The following MAZ variants were observed in gnomAD, a reference collection of about 807,000 sequenced individuals.
MAZ encodes the protein MYC associated zinc finger protein.
In MAZ, 4 loss-of-function variants were observed where a neutral mutation model predicts 32.7. The ratio of observed to expected loss-of-function variants is 0.12; its 90% CI spans 0.06 to 0.28. MAZ has a LOEUF of 0.28. MAZ is among the 10% of genes least tolerant of loss of function. The probability of loss-of-function intolerance (pLI) is 1.00; values close to 1 mark genes in which losing one functional copy is unlikely to be tolerated. For synonymous variants in MAZ, 510 were observed against 297.6 expected, an observed-to-expected ratio of 1.71 and a Z score of -7.35; for missense variants, 763 against 667.2, an observed-to-expected ratio of 1.14 and a Z score of -1.58.
Position 29,807,781 on chromosome 16 carries a change from T to A in MAZ, c.996T>A (p.Ala332=), listed in dbSNP as rs371096840. Residue 332 remains alanine (A), a synonymous_variant, in exon 2 of 5, where the codon GCT becomes GCA. Transcript: ENST00000322945. ...MSYHVRSHDG[A]VHKPYNCSHC... ...ACCACGTGCGCTCACATGACGGCGC[T>A]GTGCACAAGCCCTACAACTGCTCCC... The A allele has an allele frequency of 6.2e-7, 1 of 1,611,750 alleles. No homozygotes were observed. The highest frequency in any genetic ancestry group is 1.3e-5 in the African/African-American group (1 of 74,936).
At chr16:29,808,853 G>T in intron 4 of MAZ, 112 bp downstream of exon 4, 1 of 1,082,324 alleles carries the variant, frequency 9.2e-7, no homozygotes, top group Non-Finnish European at 1.3e-6. Context: ...GTGGCGTCTA[G>T]ATTCCTACAA....
At chr16:29,809,193 C>T (rs2142404844) in intron 4 of MAZ, 1 of 498,548 alleles carries the variant, frequency 2.0e-6, no homozygotes, top group Non-Finnish European at 3.5e-6. Flanking sequence ...TGGGTTGAGA[C>T]CGCGGGGCAC....
Position 29,807,400 on chromosome 16 carries a change from C to G in MAZ, c.615C>G (p.Leu205=), listed in dbSNP as rs750668378. ...AGGAGTTCAAGAACGGCTACAATCT[C>G]CGGAGGCACGAAGCCATCCACACGG... ...CAKEFKNGYN[L]RRHEAIHTGA... The change falls in exon 2 of 5, where the codon CTC becomes CTG. Residue 205 remains leucine (L), a synonymous_variant. Coordinates refer to ENST00000322945, the MANE Select transcript of MAZ (RefSeq NM_002383.4). 2.5e-6 allele frequency: 4 copies of G among 1,612,286 alleles called. No homozygotes were observed. The South Asian group carries it at 3.3e-5, about 13-fold the overall frequency.
rs773515431 is a variant in MAZ, at chr16:29,807,283, C to T, written c.498C>T (p.Ala166=). Residue 166 remains alanine (A), a synonymous_variant, in exon 2 of 5, where the codon GCC becomes GCT. Transcript: ENST00000322945. ...CGGCGGCGGCCACCGCCGTCGTAGC[C>T]CCAACCTCGACGGTCGCCGTGGCCC... ...IAAAAATAVV[A]PTSTVAVAPV... 31 of 1,542,944 alleles carry T rather than the reference C, an allele frequency of 2.0e-5. No homozygotes were observed. Among genetic ancestry groups the T allele is most frequent in the Non-Finnish European group, 2.4e-5 (28 of 1,148,052 alleles).
At chr16:29,809,407 C>G (rs1010247583) in intron 4 of MAZ, 12 of 662,540 alleles carry the variant, frequency 1.8e-5, no homozygotes, top group Admixed American at 2.7e-5. Flanking sequence ...GCAGTTGGCC[C>G]CAGGCTACCA....
intron 4 of MAZ, chr16:29,808,997 C>G (rs1002140733): frequency 1.8e-6 from 1 of 562,560 alleles, no homozygotes; most frequent in South Asian, 2.4e-5. Context: ...TGGAACTTGG[C>G]TGCTCTGGGG....
rs1899588967 is a variant in MAZ, at chr16:29,807,527, G to C, written c.742G>C (p.Gly248Arg). Residue 248 changes from glycine (G) to arginine (R), a missense_variant, in exon 2 of 5, where the codon GGG becomes CGG. Transcript: ENST00000322945. ...VPQLSGAGGG[G>R]GEAGAGGGAA... is the part of the protein sequence containing the mutation. ...CCAGCTGAGCGGAGCCGGCGGGGGAGGGGGAGAGGCGGGTGCCGGCGGCGG... is the reference window on the plus strand; with the variant it reads ...CCAGCTGAGCGGAGCCGGCGGGGGACGGGGAGAGGCGGGTGCCGGCGGCGG... 1 of 1,609,072 alleles carries C rather than the reference G, an allele frequency of 6.2e-7. No homozygotes were observed. Among genetic ancestry groups the C allele is most frequent in the Non-Finnish European group, 8.5e-7 (1 of 1,177,920 alleles).
intron 2 of MAZ, 142 bp from the exon 3 acceptor site, chr16:29,808,088 G>A: frequency 6.1e-6 from 6 of 978,348 alleles, no homozygotes; most frequent in Non-Finnish European, 6.2e-6. Flanking sequence ...GGCTCCAGGG[G>A]AGGGATTTCC....
chr16:29,808,427 C>A (rs537347860), intron 3 of MAZ, 134 bp downstream of exon 3: 3 of 1,026,362 alleles, frequency 2.9e-6, no homozygotes, highest in South Asian at 2.8e-5. Flanking sequence ...ATCCCTTCTT[C>A]AAGGCCTCAT....
In MAZ at chr16:29,810,048, C is replaced by T. The variant is rs764316091; in HGVS notation, c.1280-29C>T. 8.2e-6 allele frequency: 13 copies of T among 1,590,218 alleles called. 1 individual carries two copies. Among genetic ancestry groups the T allele is most frequent in the African/African-American group, 1.4e-5 (1 of 73,930 alleles). ...CAAGGCTCTTGCCATTCAGATCGCG[C>T]TGTGATCCGTGGTGTTTCTCCTGTG... On this transcript the variant is annotated intron_variant, in intron 4 of 4. Coordinates refer to ENST00000322945, the MANE Select transcript of MAZ (RefSeq NM_002383.4).
chr16:29,810,150 C>G lies in MAZ; in HGVS notation c.1353C>G (p.Ala451=), dbSNP rs777594577. 24 of 1,609,318 alleles carry G rather than the reference C, an allele frequency of 1.5e-5. No individual in the cohort carries two copies. The highest frequency in any genetic ancestry group is 1.9e-5 in the Non-Finnish European group (22 of 1,177,340). ...AAAAAAAAVA[A]PPTAVGSLSG... ...CGGCAGCAGCGGCAGCAGTAGCAGC[C>G]CCTCCCACAGCTGTGGGCTCCCTCT... The change falls in exon 5 of 5, where the codon GCC becomes GCG. Residue 451 remains alanine, a synonymous_variant. Transcript: ENST00000322945.
At position 29,806,565 on chromosome 16, in the gene MAZ, C is replaced by A; in HGVS notation, c.-137C>A. On this transcript the variant is annotated 5_prime_UTR_variant, in exon 1 of 5. Coordinates refer to ENST00000322945, the MANE Select transcript of MAZ (RefSeq NM_002383.4). ...CCTCCCGCCGGCCGGGGTGCGCGGGCGGCGGGGCGGCCCGCGGGCCATGCG... is the reference window on the plus strand; with the variant it reads ...CCTCCCGCCGGCCGGGGTGCGCGGGAGGCGGGGCGGCCCGCGGGCCATGCG... 7.5e-6 allele frequency: 7 copies of A among 936,924 alleles called. No homozygotes were observed. Among genetic ancestry groups the A allele is most frequent in the Non-Finnish European group, 7.6e-6 (6 of 793,120 alleles). 58.0% of individuals were successfully genotyped at this position (936,924 alleles called of 1,614,324 possible). A position where few individuals can be genotyped will look rare whatever the true frequency, so the allele number is the denominator to read the frequency against.
At position 29,808,561 on chromosome 16, in the gene MAZ, C is replaced by T. The variant is rs777201585; in HGVS notation, c.1108-9C>T. Reference sequence around the variant, plus strand: ...TGTGACACCCCCCACGCCCCTCCCCCCTCCTCAGAAATGTGAGGCAGCTTT... The same window carrying T: ...TGTGACACCCCCCACGCCCCTCCCCTCTCCTCAGAAATGTGAGGCAGCTTT... On this transcript the variant is annotated splice_polypyrimidine_tract_variant and intron_variant, in intron 3 of 4. Coordinates refer to ENST00000322945, the MANE Select transcript of MAZ (RefSeq NM_002383.4). 4.4e-6 allele frequency: 7 copies of T among 1,582,850 alleles called. No individual in the cohort carries two copies. In the South Asian group the frequency reaches 7.8e-5, roughly 18 times the overall value.
chr16:29,808,611 GCA>G lies in MAZ; in HGVS notation c.1154_1155del (p.Thr385SerfsTer37). The G allele has an allele frequency of 6.2e-7, 1 of 1,613,162 alleles. No homozygotes were observed. Among genetic ancestry groups the G allele is most frequent in the Non-Finnish European group, 8.5e-7 (1 of 1,179,830 alleles). ...TCGCCACGAAGGATCGGCTGCGGGC[GCA>G]CACAGTACGACACGAGGAGAAAGTG... ...AFATKDRLRA[H>X]TVRHEEKVPC... On this transcript the variant is annotated frameshift_variant, in exon 4 of 5. Coordinates refer to ENST00000322945, the MANE Select transcript of MAZ (RefSeq NM_002383.4). LOFTEE classifies it high-confidence loss of function.
At chr16:29,809,223 C>T (rs1339109230) in intron 4 of MAZ, 3 of 513,596 alleles carry the variant, frequency 5.8e-6, no homozygotes, top group African/African-American at 3.9e-5. Flanking sequence ...GGGGACACAG[C>T]CGTCTCTGCT....
Position 29,807,004 on chromosome 16 carries a change from C to A in MAZ, c.219C>A (p.Pro73=). Residue 73 remains proline (P), a synonymous_variant, in exon 2 of 5, where the codon CCC becomes CCA. Transcript: ENST00000322945. The part of the protein sequence containing the change: ...FQAAPAPPPT[P]QAPAAEPLQV... ...CCGCGCCGGCGCCCCCGCCCACGCCCCAGGCCCCGGCGGCCGAGCCCCTCC... is the reference window on the plus strand; with the variant it reads ...CCGCGCCGGCGCCCCCGCCCACGCCACAGGCCCCGGCGGCCGAGCCCCTCC... The A allele has an allele frequency of 9.9e-7, 1 of 1,009,090 alleles. No individual in the cohort carries two copies. The highest frequency in any genetic ancestry group is 1.2e-6 in the Non-Finnish European group (1 of 848,794). The allele number at this position is 1,009,090 out of a possible 1,614,324, so 62.5% of individuals were successfully genotyped here.
At chr16:29,808,880 CG>C (rs1899726504) in intron 4 of MAZ, 139 bp downstream of exon 4, 3 of 731,128 alleles carry the variant, frequency 4.1e-6, no homozygotes, top group Non-Finnish European at 6.6e-6. Flanking sequence ...AAGGGAGCAG[CG>C]GGGGGACACC....
intron 2 of MAZ, 131 bp downstream of exon 2, chr16:29,807,959 G>C: frequency 6.9e-7 from 1 of 1,459,216 alleles, no homozygotes. Flanking sequence ...CCAGGGCGGA[G>C]GGAGGAAGCC....
chr16:29,810,638 C>T lies in MAZ; in HGVS notation c.*407C>T. ...TCCCCCTGCTGTCTGCAGCCCCTCC[C>T]CGGGGAGTTGGTGCTTTCTTTTCCT... On this transcript the variant is annotated 3_prime_UTR_variant, in exon 5 of 5. Transcript: ENST00000322945. 1.6e-6 allele frequency: 1 copy of T among 613,284 alleles called. No individual in the cohort carries two copies. The highest frequency in any genetic ancestry group is 1.8e-5 in the South Asian group (1 of 56,950). The allele number at this position is 613,284 out of a possible 1,614,324, so 38.0% of individuals were successfully genotyped here.
Sources: gnomAD v4.1 joint callset for allele counts on GRCh38, gnomAD v4.1.1 for gene constraint, MANE v1.5 for transcripts, NCBI Gene and HGNC (gene_info 2026-07-23, HGNC 2026-07-21) for gene names.